Variants in P3H3 observed in about 807,000 individuals in gnomAD.
P3H3 encodes prolyl 3-hydroxylase 3, also known as gene rich cluster, B.
P3H3 carries 64 observed loss-of-function variants against 78.1 expected under a neutral mutation model. That is an observed-to-expected ratio of 0.82 (90% confidence interval 0.67 to 1.01). The LOEUF (loss-of-function observed/expected upper bound fraction) is 1.01, where lower values mean the gene tolerates loss of function less well. Among genes scored for constraint, P3H3 ranks in the 50% least tolerant of loss-of-function variants. The probability of loss-of-function intolerance (pLI) is 0.00; values close to 1 mark genes in which losing one functional copy is unlikely to be tolerated. For missense variants in P3H3, 975 were observed against 982.2 expected (o/e 0.99, Z 0.10); for synonymous variants, 425 against 416.7 (o/e 1.02, Z -0.24).
intron 9 of P3H3, among the ~76,000 whole-genome samples, chr12:6,834,484 C>T (rs1013030630): frequency 2.0e-5 from 3 of 152,164 alleles, no homozygotes; most frequent in Admixed American, 6.5e-5. Flanking sequence ...AGTGCTCATT[C>T]AGTAATATAC....
Position 6,831,855 on chromosome 12 carries a change from G to A in P3H3, c.1153G>A (p.Gly385Arg). Residue 385 changes from glycine (G) to arginine (R), a missense_variant, in exon 6 of 15, where the codon GGG (glycine) becomes AGG (arginine). Gly to Arg is a moderately radical substitution (Grantham distance 125). Coordinates refer to ENST00000290510, the MANE Select transcript of P3H3 (RefSeq NM_014262.5). This position sits in a 1 kb window ranked among gnomAD's most constrained non-coding sequence, Gnocchi z 4.6. Reference sequence around the variant, plus strand: ...CCAGCGCTTCATCCTCCGATCCCTGGGGGAGAAGAGGCAGCTCTACTATGC... The same window carrying A: ...CCAGCGCTTCATCCTCCGATCCCTGAGGGAGAAGAGGCAGCTCTACTATGC... ...DIQRFILRSL[G>R]EKRQLYYAME... is the part of the protein sequence containing the mutation. The A allele has an allele frequency of 6.2e-7, 1 of 1,608,824 alleles. No homozygotes were observed. Among genetic ancestry groups the A allele is most frequent in the Non-Finnish European group, 8.5e-7 (1 of 1,176,972 alleles).
chr12:6,837,081 G>T lies in P3H3; in HGVS notation c.1555G>T (p.Ala519Ser). ...CGAGGGGCTCACGGTGCTTAAGGCT[G>T]CGCAGGTGAGCACAGGAGGCACCCG... ...RFEGLTVLKA[A>S]QLARAGTVGS... Residue 519 changes from alanine to serine, a missense_variant, in exon 10 of 15, where the codon GCG becomes TCG. Ala to Ser is a moderately conservative substitution (Grantham distance 99, BLOSUM62 1). Coordinates refer to ENST00000290510, the MANE Select transcript of P3H3 (RefSeq NM_014262.5). 1 of 1,602,268 alleles carries T rather than the reference G, an allele frequency of 6.2e-7. No individual in the cohort carries two copies.
chr12:6,830,595 GA>G (rs1943438558), intron 3 of P3H3, 41 bp downstream of exon 3: 2 of 1,590,376 alleles, frequency 1.3e-6, no homozygotes, highest in East Asian at 4.5e-5. Flanking sequence ...GGTGCCCAGG[GA>G]GGGGCATGAA....
rs1555121786 is a variant in P3H3, at chr12:6,833,948, A to T, written c.1357A>T (p.Thr453Ser). 1 of 1,613,822 alleles carries T rather than the reference A, an allele frequency of 6.2e-7. No homozygotes were observed. Among genetic ancestry groups the T allele is most frequent in the Non-Finnish European group, 8.5e-7 (1 of 1,179,858 alleles). Residue 453 changes from threonine (T) to serine (S), a missense_variant, in exon 9 of 15, where the codon ACC (threonine) becomes TCC (serine). Thr to Ser is a moderately conservative substitution (Grantham distance 58). Coordinates refer to ENST00000290510, the MANE Select transcript of P3H3 (RefSeq NM_014262.5). ...WKDVLLLEGVTLTQDSRQLNG... is the reference protein window; with the variant it reads ...WKDVLLLEGVSLTQDSRQLNG... The stretch of plus-strand genomic sequence containing the variant: ...AGATGTCCTTCTCCTGGAGGGTGTG[A>T]CCTTGACCCAGGATTCCAGGCAGCT...
Position 6,833,987 on chromosome 12 carries a change from C to G in P3H3, c.1396C>G (p.Arg466Gly). Reference sequence around the variant, plus strand: ...TTCCAGGCAGCTGAATGGGTCGGAGCGGGCGGTGTTGGATGGGCTGCTCAC... The same window carrying G: ...TTCCAGGCAGCTGAATGGGTCGGAGGGGGCGGTGTTGGATGGGCTGCTCAC... ...QDSRQLNGSE[R>G]AVLDGLLTPA... Residue 466 changes from arginine to glycine, a missense_variant, in exon 9 of 15, where the codon CGG (arginine) becomes GGG (glycine). Arg to Gly is a moderately radical substitution (Grantham distance 125, BLOSUM62 -2). Transcript: ENST00000290510. The G allele has an allele frequency of 6.2e-7, 1 of 1,613,774 alleles. No individual in the cohort carries two copies. Among genetic ancestry groups the G allele is most frequent in the Non-Finnish European group, 8.5e-7 (1 of 1,179,868 alleles).
Position 6,829,414 on chromosome 12 carries a change from C to T in P3H3, c.499-445C>T. 1 of 241,906 alleles carries T rather than the reference C, an allele frequency of 4.1e-6. No individual in the cohort carries two copies. The highest frequency in any genetic ancestry group is 5.3e-5 in the South Asian group (1 of 18,904). 15.0% of individuals were successfully genotyped at this position (241,906 alleles called of 1,614,324 possible). On this transcript the variant is annotated intron_variant, in intron 1 of 14. Coordinates refer to ENST00000290510, the MANE Select transcript of P3H3 (RefSeq NM_014262.5). This position sits in a 1 kb window ranked among gnomAD's most constrained non-coding sequence, Gnocchi z 5.1. Reference sequence around the variant, plus strand: ...CAGACCTCTGCGGGCGGGGAGGGGACAGCACGCCGCAGCCGCCGGTACCGC... The same window carrying T: ...CAGACCTCTGCGGGCGGGGAGGGGATAGCACGCCGCAGCCGCCGGTACCGC...
chr12:6,838,714 A>C (rs1565514974), intron 13 of P3H3, among the ~76,000 whole-genome samples: 1 of 152,108 alleles, frequency 6.6e-6, no homozygotes, highest in Non-Finnish European at 1.5e-5. Flanking sequence ...CCTGGATTCA[A>C]AGGGCTGAGT....
At position 6,829,449 on chromosome 12, in the gene P3H3, C is replaced by G. The variant is rs1943423169; in HGVS notation, c.499-410C>G. 4.1e-6 allele frequency: 1 copy of G among 241,900 alleles called. No individual in the cohort carries two copies. Among genetic ancestry groups the G allele is most frequent in the Non-Finnish European group, 8.0e-6 (1 of 124,676 alleles). The allele number at this position is 241,900 out of a possible 1,614,324, so 15.0% of individuals were successfully genotyped here. A position where few individuals can be genotyped will look rare whatever the true frequency, so the allele number is the denominator to read the frequency against. ...CAGCCGCCGGTACCGCAGCAGTTGC[C>G]TACGTGGCTGGGGAAGCGGGGCGCC... is the stretch of plus-strand genomic sequence containing the variant. On this transcript the variant is annotated intron_variant, in intron 1 of 14. Transcript: ENST00000290510. This position sits in a 1 kb window ranked among gnomAD's most constrained non-coding sequence, Gnocchi z 5.1.
intron 8 of P3H3, 30 bp from the exon 9 acceptor site, chr12:6,833,895 G>C (rs546507547): frequency 6.2e-7 from 1 of 1,613,954 alleles, no homozygotes. Flanking sequence ...GGGATGCTCA[G>C]CCCCCTCTGC....
In P3H3 at chr12:6,833,821, G is replaced by C. The variant is rs782047445; in HGVS notation, c.1333+12G>C. 1 of 1,612,280 alleles carries C rather than the reference G, an allele frequency of 6.2e-7. No homozygotes were observed. The highest frequency in any genetic ancestry group is 8.5e-7 in the Non-Finnish European group (1 of 1,178,366). On this transcript the variant is annotated intron_variant, in intron 8 of 14. Transcript: ENST00000290510. ...GACCTACTGGAAGGGTGAGTTCCTG[G>C]GAGGGAGAAGGCAGGAGCCTGGAGG...
rs1268373125 is a variant in P3H3 at position 6,837,853 on chromosome 12, G to A, written c.1829+4G>A. ...CCTACACCTATCGGGACTACAGGTG[G>A]GCAGCCCCTCTAGTGGTCAGGCAGG... On this transcript the variant is annotated splice_donor_region_variant and intron_variant, in intron 12 of 14. Coordinates refer to ENST00000290510, the MANE Select transcript of P3H3 (RefSeq NM_014262.5). 1 of 1,606,210 alleles carries A rather than the reference G, an allele frequency of 6.2e-7. No homozygotes were observed. Among genetic ancestry groups the A allele is most frequent in the Non-Finnish European group, 8.5e-7 (1 of 1,176,258 alleles).
At position 6,829,913 on chromosome 12, in the gene P3H3, C is replaced by T; in HGVS notation, c.553C>T (p.Pro185Ser). The change falls in exon 2 of 15, where the codon CCC becomes TCC. Residue 185 changes from proline to serine, a missense_variant. By Grantham distance (74) the Pro-to-Ser change is moderately conservative. Transcript: ENST00000290510. The surrounding 1 kb of genome is among the most constrained non-coding windows in gnomAD (Gnocchi z 5.1). Reference protein sequence around the residue: ...AAAHTFFVANPMHLQMREDMA... With the variant: ...AAAHTFFVANSMHLQMREDMA... ...AGCACACACCTTCTTTGTAGCAAAC[C>T]CCATGCACCTGCAGATGCGGGAGGA... 6.2e-7 allele frequency: 1 copy of T among 1,614,022 alleles called. No individual in the cohort carries two copies. The highest frequency in any genetic ancestry group is 8.5e-7 in the Non-Finnish European group (1 of 1,179,884).
At position 6,829,782 on chromosome 12, in the gene P3H3, G is replaced by T. The variant is rs1943427139; in HGVS notation, c.499-77G>T. 6.5e-7 allele frequency: 1 copy of T among 1,529,032 alleles called. No individual in the cohort carries two copies. The highest frequency in any genetic ancestry group is 1.1e-5 in the South Asian group (1 of 88,780). The allele number at this position is 1,529,032 out of a possible 1,614,324, so 94.7% of individuals were successfully genotyped here. ...ACCCAGAGTGTGTGTCTGGGGTAGG[G>T]TGGGGAGGCTGGCCAGGGGGCAGAG... On this transcript the variant is annotated intron_variant, in intron 1 of 14. Transcript: ENST00000290510. The surrounding 1 kb of genome is among the most constrained non-coding windows in gnomAD (Gnocchi z 5.1).
At chr12:6,830,834 T>C (rs782137507) in intron 4 of P3H3, 64 bp downstream of exon 4, 9 of 1,595,390 alleles carry the variant, frequency 5.6e-6, no homozygotes, top group Non-Finnish European at 7.7e-6. Context: ...CTGAGCTCCA[T>C]CTCTCTATCC....
rs1555121375 is a variant in P3H3 at position 6,831,260 on chromosome 12, C to T, written c.1030C>T (p.Leu344Phe). The T allele has an allele frequency of 1.9e-6, 3 of 1,613,912 alleles. No individual in the cohort carries two copies. Among genetic ancestry groups the T allele is most frequent in the Admixed American group, 1.7e-5 (1 of 60,022 alleles). ...QAIENVLSVL[L>F]FYPEDEAAKR... ...TATAGAAAATGTCCTGAGTGTCCTG[C>T]TCTTCTACCCGGAGGATGAGGCTGC... Residue 344 changes from leucine (L) to phenylalanine (F), a missense_variant, in exon 5 of 15, where the codon CTC (leucine) becomes TTC (phenylalanine). Leu to Phe is a conservative substitution (Grantham distance 22, BLOSUM62 0). Transcript: ENST00000290510. The surrounding 1 kb of genome is among the most constrained non-coding windows in gnomAD (Gnocchi z 4.6).
Position 6,839,384 on chromosome 12 carries a change from C to G in P3H3, c.2134C>G (p.Pro712Ala). ...AGAAATGCCCAGCAAAGACCCTTCC[C>G]CAGAGCCCCCTAGCCGCAGGCACCA... Reference protein sequence around the residue: ...EEEMPSKDPSPEPPSRRHQRV... With the variant: ...EEEMPSKDPSAEPPSRRHQRV... The change falls in exon 15 of 15, where the codon CCA (proline) becomes GCA (alanine). Residue 712 changes from proline (P) to alanine (A), a missense_variant. Pro to Ala is a conservative substitution (Grantham distance 27). Coordinates refer to ENST00000290510, the MANE Select transcript of P3H3 (RefSeq NM_014262.5). 6.4e-7 allele frequency: 1 copy of G among 1,552,856 alleles called. No individual in the cohort carries two copies. The highest frequency in any genetic ancestry group is 1.2e-5 in the South Asian group (1 of 84,132).
chr12:6,833,426 C>A, intron 6 of P3H3, 166 bp from the exon 7 acceptor site: 1 of 643,154 alleles, frequency 1.6e-6, no homozygotes, highest in South Asian at 1.8e-5. Flanking sequence ...CTTGTTGTTA[C>A]AGTTTGATCC....
rs1265253370 is a variant in P3H3, at chr12:6,829,753, G to A, written c.499-106G>A. 1.1e-5 allele frequency: 14 copies of A among 1,237,696 alleles called. No homozygotes were observed. The highest frequency in any genetic ancestry group is 1.5e-5 in the Non-Finnish European group (13 of 859,402). 76.7% of individuals were successfully genotyped at this position (1,237,696 alleles called of 1,614,324 possible). The stretch of plus-strand genomic sequence containing the variant: ...TTGGCCAGTCTTCCATGAGGCTCTG[G>A]GGCACCCAGAGTGTGTGTCTGGGGT... On this transcript the variant is annotated intron_variant, in intron 1 of 14. Transcript: ENST00000290510. This position sits in a 1 kb window ranked among gnomAD's most constrained non-coding sequence, Gnocchi z 5.1.
At position 6,828,534 on chromosome 12, in the gene P3H3, G is replaced by T; in HGVS notation, c.94G>T (p.Ala32Ser). The T allele has an allele frequency of 7.8e-7, 1 of 1,286,844 alleles. No individual in the cohort carries two copies. The highest frequency in any genetic ancestry group is 9.8e-7 in the Non-Finnish European group (1 of 1,016,288). The allele number at this position is 1,286,844 out of a possible 1,614,324, so 79.7% of individuals were successfully genotyped here. The change falls in exon 1 of 15, where the codon GCG (alanine) becomes TCG (serine). Residue 32 changes from alanine to serine, a missense_variant. Physicochemically the swap from Ala to Ser is moderately conservative, Grantham distance 99 (BLOSUM62 1). Transcript: ENST00000290510. ...PPGLTQLSPG[A>S]PPQAPDLLYA... The stretch of plus-strand genomic sequence containing the variant: ...CGGCCTGACCCAGCTGTCCCCGGGG[G>T]CGCCCCCGCAGGCCCCCGACTTGCT...
Sources: gnomAD v4.1 joint callset for allele counts (sites outside exome capture counted in the v4.1 genomes callset) on GRCh38, gnomAD v4.1.1 for gene constraint, Gnocchi (gnomAD v3.1) non-coding constraint, MANE v1.5 for transcripts, NCBI Gene and HGNC (gene_info 2026-07-23, HGNC 2026-07-21) for gene names.